CDH6: variants seen among roughly 807,000 people sequenced by gnomAD.
The protein encoded by CDH6 is cadherin-6.
Under a neutral mutation model 78.0 loss-of-function variants are expected in CDH6, and 31 were observed. The ratio of observed to expected loss-of-function variants is 0.40; its 90% CI spans 0.30 to 0.54. The LOEUF is 0.54. Ranked by LOEUF, CDH6 falls within the 20% of genes least tolerant of loss-of-function variation. The pLI is 0.56. For synonymous variants in CDH6, 376 were observed against 368.8 expected, an observed-to-expected ratio of 1.02 and a Z score of -0.23; for missense variants, 724 against 975.9, an observed-to-expected ratio of 0.74 and a Z score of 3.44.
At chr5:31,252,671 T>C (rs13356489) in intron 1 of CDH6, among the ~76,000 whole-genome samples, 5,952 of 152,220 alleles carry the variant, frequency 0.039, 426 homozygotes, top group African/African-American at 0.14. Flanking sequence ...TAAGAGCAAG[T>C]CAATGGCATG....
chr5:31,278,381 C>G (rs1742759761), intron 2 of CDH6, among the ~76,000 whole-genome samples: 1 of 152,052 alleles, frequency 6.6e-6, no homozygotes, highest in Non-Finnish European at 1.5e-5. Flanking sequence ...ACATGGTGGT[C>G]CGTGCACAAA....
intron 7 of CDH6, 90 bp downstream of exon 7, chr5:31,305,517 T>C: frequency 7.4e-7 from 1 of 1,353,744 alleles, no homozygotes; most frequent in Non-Finnish European, 1.0e-6. Context: ...GATGAATCCC[T>C]TTTGTTCCAA....
intron 1 of CDH6, among the ~76,000 whole-genome samples, chr5:31,243,741 C>T (rs1741667579): frequency 6.6e-6 from 1 of 152,188 alleles, no homozygotes; most frequent in African/African-American, 2.4e-5. Context: ...TGTTAGATCC[C>T]AGAGGTAAAC....
At chr5:31,205,461 C>T (rs1325625742) in intron 1 of CDH6, among the ~76,000 whole-genome samples, 6 of 152,198 alleles carry the variant, frequency 3.9e-5, no homozygotes, top group Non-Finnish European at 7.3e-5. Context: ...TGGTATTCAA[C>T]ATTGTTGCCT....
intron 1 of CDH6, among the ~76,000 whole-genome samples, chr5:31,265,340 T>C (rs1027121504): frequency 6.6e-6 from 1 of 152,206 alleles, no homozygotes; most frequent in Non-Finnish European, 1.5e-5. Flanking sequence ...GCCTGGCATT[T>C]TTCCAGTATG....
At position 31,326,421 on chromosome 5, in the gene CDH6, A is replaced by G. The variant is rs1738625815; in HGVS notation, c.*3113A>G. 1 of 205,658 alleles carries G rather than the reference A, an allele frequency of 4.9e-6. No individual in the cohort carries two copies. Among genetic ancestry groups the G allele is most frequent in the African/African-American group, 2.3e-5 (1 of 43,830 alleles). 12.7% of individuals were successfully genotyped at this position (205,658 alleles called of 1,614,324 possible). ...AGGCCTAAAAAACATTTGTGCCCAA[A>G]TAAGTAAATAAACCAAATGGGAAAG... On this transcript the variant is annotated 3_prime_UTR_variant, in exon 12 of 12. Coordinates refer to ENST00000265071, the MANE Select transcript of CDH6 (RefSeq NM_004932.4).
At chr5:31,292,568 T>C (rs1737405064) in intron 2 of CDH6, among the ~76,000 whole-genome samples, 1 of 152,116 alleles carries the variant, frequency 6.6e-6, no homozygotes. Flanking sequence ...GCATAGCCCA[T>C]ATTCTGTTTA....
In CDH6 at chr5:31,323,302, C is replaced by T. The variant is rs759095099; in HGVS notation, c.2367C>T (p.Asp789=). The T allele has an allele frequency of 2.4e-5, 39 of 1,598,948 alleles. No individual in the cohort carries two copies. Among genetic ancestry groups the T allele is most frequent in the Non-Finnish European group, 3.1e-5 (36 of 1,168,352 alleles). The change falls in exon 12 of 12, where the codon GAC becomes GAT. Residue 789 remains aspartate (D), a synonymous_variant. Transcript: ENST00000265071. ...ATGGAGGAGTGGACAGTGACAAAGA[C>T]TCCTAATCTGTTGCCTTTTTCATTT... ...DMYGGVDSDK[D]S is the part of the protein sequence containing the mutation.
chr5:31,251,697 T>C (rs1741912665), intron 1 of CDH6: 1 of 152,198 alleles, frequency 6.6e-6, no homozygotes, highest in Non-Finnish European at 1.5e-5. Flanking sequence ...CATTGAAATG[T>C]AGAGAAAATG....
intron 3 of CDH6, among the ~76,000 whole-genome samples, chr5:31,296,299 C>A (rs951615492): frequency 1.1e-4 from 16 of 151,930 alleles, no homozygotes; most frequent in Non-Finnish European, 2.4e-4. Context: ...GTCACAGAGC[C>A]CTTTGAGGAT....
At chr5:31,311,813 C>A (rs1738165372) in intron 7 of CDH6, among the ~76,000 whole-genome samples, 1 of 152,186 alleles carries the variant, frequency 6.6e-6, no homozygotes, top group Non-Finnish European at 1.5e-5. Context: ...CAATCACCTC[C>A]CATCACGCCC....
At chr5:31,291,421 A>G (rs1051885051) in intron 2 of CDH6, among the ~76,000 whole-genome samples, 2 of 152,224 alleles carry the variant, frequency 1.3e-5, no homozygotes, top group East Asian at 1.9e-4. Context: ...GCATGTTTAC[A>G]TGGTGGTTAA....
chr5:31,300,889 G>A (rs1262376652), intron 5 of CDH6, among the ~76,000 whole-genome samples: 2 of 152,230 alleles, frequency 1.3e-5, no homozygotes, highest in South Asian at 2.1e-4. Flanking sequence ...GGGAGGCTGA[G>A]GGAGGAAGAC....
chr5:31,250,350 C>T (rs1183407174), intron 1 of CDH6: 2 of 152,472 alleles, frequency 1.3e-5, no homozygotes, highest in Admixed American at 6.5e-5. Flanking sequence ...CCACCTCACA[C>T]ATGCTTTGGT....
At chr5:31,257,329 A>AT (rs879647382) in intron 1 of CDH6, among the ~76,000 whole-genome samples, 105 of 152,040 alleles carry the variant, frequency 6.9e-4, no homozygotes, top group Admixed American at 2.2e-3. Context: ...CGCTCGGCTA[A>AT]TTTTTTTGTA....
At chr5:31,215,017 C>T (rs1740825362) in intron 1 of CDH6, among the ~76,000 whole-genome samples, 1 of 152,128 alleles carries the variant, frequency 6.6e-6, no homozygotes, top group Non-Finnish European at 1.5e-5. Context: ...ATAATTCTCA[C>T]TGAATATTCT....
At chr5:31,314,511 G>T (rs1738250092) in intron 8 of CDH6, among the ~76,000 whole-genome samples, 3 of 151,754 alleles carry the variant, frequency 2.0e-5, no homozygotes, top group Admixed American at 2.0e-4. Context: ...GATTTGAAGT[G>T]ACTAAAGGAT....
intron 8 of CDH6, among the ~76,000 whole-genome samples, chr5:31,315,196 A>G (rs914753573): frequency 5.3e-5 from 8 of 152,056 alleles, no homozygotes; most frequent in Admixed American, 2.0e-4. Context: ...CTTTTTCCCT[A>G]CTTAATTTCT....
chr5:31,295,330 A>T (rs1475252647), intron 3 of CDH6, among the ~76,000 whole-genome samples: 10 of 152,106 alleles, frequency 6.6e-5, no homozygotes, highest in African/African-American at 2.4e-4. Context: ...GTTAGGAAAA[A>T]AATTTCTCCT....
Sources: gnomAD v4.1 joint callset for allele counts (sites outside exome capture counted in the v4.1 genomes callset) on GRCh38, gnomAD v4.1.1 for gene constraint, MANE v1.5 for transcripts, NCBI Gene and HGNC (gene_info 2026-07-23, HGNC 2026-07-21) for gene names.